The following SHISAL1 variants were observed in gnomAD, a reference collection of about 807,000 sequenced individuals.
SHISAL1 encodes the protein shisa like 1, also known as protein shisa-like-1.
A neutral mutation model predicts 22.6 loss-of-function variants in SHISAL1; 9 were observed. The observed-to-expected ratio is 0.40, with a 90% CI of 0.24 to 0.70. The LOEUF is 0.70. Among genes scored for constraint, SHISAL1 ranks in the 30% least tolerant of loss-of-function variants. The pLI is 0.39. For synonymous variants in SHISAL1, 119 were observed against 115.4 expected, an observed-to-expected ratio of 1.03 and a Z score of -0.20; for missense variants, 246 against 270.6, an observed-to-expected ratio of 0.91 and a Z score of 0.64.
At chr22:44,298,410 C>T (rs974564842) in intron 2 of SHISAL1, among the ~76,000 whole-genome samples, 5 of 152,186 alleles carry the variant, frequency 3.3e-5, no homozygotes, top group African/African-American at 4.8e-5. Context: ...TCAGAAGCTC[C>T]GGGGTAGGCC....
chr22:44,261,919 G>T (rs1601779064), intron 4 of SHISAL1, among the ~76,000 whole-genome samples: 2 of 152,236 alleles, frequency 1.3e-5, no homozygotes, highest in South Asian at 2.1e-4. Context: ...CCCTCACTCA[G>T]TGGCAACTTG....
intron 3 of SHISAL1, among the ~76,000 whole-genome samples, chr22:44,290,516 G>A (rs2055345036): frequency 7.7e-6 from 1 of 130,210 alleles, no homozygotes; most frequent in Admixed American, 7.3e-5. Flanking sequence ...GCAACAAGAG[G>A]GAAACTCAGT....
chr22:44,274,510 G>A (rs2055226280), intron 4 of SHISAL1, among the ~76,000 whole-genome samples: 1 of 152,072 alleles, frequency 6.6e-6, no homozygotes, highest in African/African-American at 2.4e-5. Flanking sequence ...TCCTCCTCCT[G>A]CCCCCAGGAG....
chr22:44,268,859 A>G (rs1212094470), intron 4 of SHISAL1, among the ~76,000 whole-genome samples: 3 of 152,114 alleles, frequency 2.0e-5, no homozygotes, highest in African/African-American at 7.2e-5. Flanking sequence ...GCCTTGGCCC[A>G]TGCTTTTTAA....
At chr22:44,324,391 C>T in the SHISAL1 span, among the ~76,000 whole-genome samples, 1 of 152,170 alleles carries the variant, frequency 6.6e-6, no homozygotes, top group East Asian at 1.9e-4. Context: ...ATTCATTCAA[C>T]AACCACAGGC....
At chr22:44,300,767 A>G (rs1275737725) in intron 2 of SHISAL1, 112 bp downstream of exon 2, 8 of 884,444 alleles carry the variant, frequency 9.0e-6, no homozygotes, top group Non-Finnish European at 1.5e-5. Context: ...GGTGGAGGAC[A>G]AAAGGCAAGC....
At chr22:44,287,689 A>G (rs2055325715) in intron 3 of SHISAL1, among the ~76,000 whole-genome samples, 1 of 152,134 alleles carries the variant, frequency 6.6e-6, no homozygotes, top group Non-Finnish European at 1.5e-5. Context: ...CTTTTCCTGG[A>G]GGCATCTGGA....
At chr22:44,294,048 C>T (rs1257956800) in intron 3 of SHISAL1, among the ~76,000 whole-genome samples, 1 of 152,218 alleles carries the variant, frequency 6.6e-6, no homozygotes, top group Non-Finnish European at 1.5e-5. Context: ...GGTTGTTTTG[C>T]CAAGCCTTGT....
At chr22:44,281,348 G>T (rs1372645082) in intron 4 of SHISAL1, among the ~76,000 whole-genome samples, 1 of 152,174 alleles carries the variant, frequency 6.6e-6, no homozygotes, top group Non-Finnish European at 1.5e-5. Flanking sequence ...CAGGAGGACG[G>T]AGGTCCAGAT....
intron 4 of SHISAL1, among the ~76,000 whole-genome samples, chr22:44,277,841 G>A (rs2055250503): frequency 6.6e-6 from 1 of 152,130 alleles, no homozygotes; most frequent in South Asian, 2.1e-4. Context: ...CGAGAGGCTC[G>A]ACGGGACATA....
chr22:44,301,115 A>G, intron 1 of SHISAL1, 138 bp from the exon 2 acceptor site: 2 of 577,722 alleles, frequency 3.5e-6, no homozygotes. Context: ...GGTGCGGACG[A>G]TGGAGATGCC....
At chr22:44,284,466 C>A (rs144238850) in intron 4 of SHISAL1, among the ~76,000 whole-genome samples, 1 of 152,128 alleles carries the variant, frequency 6.6e-6, no homozygotes, top group Admixed American at 6.5e-5. Context: ...GGTCACTGTG[C>A]GGCAAACTCC....
At chr22:44,267,007 T>G (rs573713977) in intron 4 of SHISAL1, among the ~76,000 whole-genome samples, 1 of 152,154 alleles carries the variant, frequency 6.6e-6, no homozygotes, top group Non-Finnish European at 1.5e-5. Context: ...GTGCCAGCTA[T>G]GCCCAGCGGC....
intron 4 of SHISAL1, among the ~76,000 whole-genome samples, chr22:44,254,648 C>T (rs1203395530): frequency 6.6e-6 from 1 of 152,204 alleles, no homozygotes; most frequent in African/African-American, 2.4e-5. Context: ...AGGCATTAGC[C>T]ACCATAACTG....
At chr22:44,290,529 C>CAAAAAAAA (rs546640216) in intron 3 of SHISAL1, among the ~76,000 whole-genome samples, 47 of 84,284 alleles carry the variant, frequency 5.6e-4, no homozygotes, top group African/African-American at 1.5e-3. Context: ...AACTCAGTCT[C>CAAAAAAAA]AAAAAAAAAA....
At chr22:44,319,265 T>C in the SHISAL1 span, among the ~76,000 whole-genome samples, 1 of 152,378 alleles carries the variant, frequency 6.6e-6, no homozygotes, top group African/African-American at 2.4e-5. Flanking sequence ...GAGGGGCTAC[T>C]GCCCAAGTCT....
the SHISAL1 span, among the ~76,000 whole-genome samples, chr22:44,329,177 G>A: frequency 0.25 from 37,544 of 152,186 alleles, 4,879 homozygotes; most frequent in East Asian, 0.3. Flanking sequence ...AGAGTGCCAA[G>A]GGTGAGCCGA....
intron 4 of SHISAL1, among the ~76,000 whole-genome samples, chr22:44,254,088 A>C (rs867272529): frequency 1.3e-5 from 2 of 152,170 alleles, no homozygotes; most frequent in Admixed American, 1.3e-4. Context: ...AAAAAATAAA[A>C]ACTGCAGAAT....
chr22:44,256,167 A>G (rs1302239838), intron 4 of SHISAL1, among the ~76,000 whole-genome samples: 1 of 148,538 alleles, frequency 6.7e-6, no homozygotes, highest in Non-Finnish European at 1.5e-5. Flanking sequence ...AACTCACACC[A>G]TCGGCTCTCC....
Sources: allele counts gnomAD v4.1 joint callset (sites outside exome capture counted in the v4.1 genomes callset), GRCh38; gene constraint gnomAD v4.1.1; transcripts MANE v1.5; gene names NCBI Gene and HGNC (gene_info 2026-07-23, HGNC 2026-07-21).